The following PTPRQ variants were observed in gnomAD, a reference collection of about 807,000 sequenced individuals.
The protein encoded by PTPRQ is protein tyrosine phosphatase receptor type Q.
In PTPRQ, 199 loss-of-function variants were observed where a neutral mutation model predicts 246.0. That is an observed-to-expected ratio of 0.81 (90% CI 0.72 to 0.91). The LOEUF is 0.91. Ranked by LOEUF, PTPRQ falls within the 40% of genes least tolerant of loss-of-function variation. PTPRQ has a pLI of 0.00. For missense variants in PTPRQ, 2,624 were observed against 2,528.4 expected (o/e 1.04, Z -0.81); for synonymous variants, 869 against 853.2 (o/e 1.02, Z -0.32).
In PTPRQ at chr12:80,460,663, A is replaced by C. The variant is rs1893132285; in HGVS notation, c.671A>C (p.Glu224Ala). ...GKLPECNENSESFLWSTASPS... is the reference protein window; with the variant it reads ...GKLPECNENSASFLWSTASPS... Reference sequence around the variant, plus strand: ...TATTTTATTTACTAGGAGAATAGTGAATCTTTTTTATGGAGTACAGCCAGC... The same window carrying C: ...TATTTTATTTACTAGGAGAATAGTGCATCTTTTTTATGGAGTACAGCCAGC... Residue 224 changes from glutamate to alanine, a missense_variant, in exon 6 of 45, where the codon GAA becomes GCA. Physicochemically the swap from Glu to Ala is moderately radical, Grantham distance 107 (BLOSUM62 -1). Transcript: ENST00000644991. 1.5e-5 allele frequency: 6 copies of C among 398,692 alleles called. No homozygotes were observed. In the East Asian group the frequency reaches 2.1e-4, roughly 14 times the overall value. The allele number at this position is 398,692 out of a possible 1,614,324, so 24.7% of individuals were successfully genotyped here.
intron 9 of PTPRQ, among the ~76,000 whole-genome samples, chr12:80,486,383 C>T (rs1894276554): frequency 6.6e-6 from 1 of 152,126 alleles, no homozygotes; most frequent in African/African-American, 2.4e-5. Context: ...AGACTCATTT[C>T]TGATATTTCT....
At chr12:80,466,767 T>C (rs1592540959) in intron 6 of PTPRQ, among the ~76,000 whole-genome samples, 1 of 152,214 alleles carries the variant, frequency 6.6e-6, no homozygotes, top group Admixed American at 6.5e-5. Context: ...AAGGATTCCC[T>C]ATTTAATAAA....
At chr12:80,675,240 C>G (rs1386536947) in intron 43 of PTPRQ, among the ~76,000 whole-genome samples, 2 of 152,088 alleles carry the variant, frequency 1.3e-5, no homozygotes, top group East Asian at 3.9e-4. Context: ...CTGTCACTGT[C>G]TTGAAAATCT....
intron 33 of PTPRQ, among the ~76,000 whole-genome samples, chr12:80,625,737 A>T (rs1209575311): frequency 1.3e-5 from 2 of 152,158 alleles, no homozygotes; most frequent in African/African-American, 2.4e-5. Context: ...TAAACAGGGA[A>T]GATAACGTAT....
chr12:80,514,402 A>ACACACACACTCTCTCTCT (rs552667526), intron 17 of PTPRQ, among the ~76,000 whole-genome samples: 75 of 113,018 alleles, frequency 6.6e-4, no homozygotes, highest in African/African-American at 2.3e-3. Flanking sequence ...ACACACACAC[A>ACACACACACTCTCTCTCT]CTCTCTCTCT....
rs1378897868 is a variant in PTPRQ at position 80,496,362 on chromosome 12, G to A, written c.2103G>A (p.Val701=). Residue 701 remains valine (V), a synonymous_variant, in exon 14 of 45, where the codon GTG becomes GTA. Coordinates refer to ENST00000644991, the MANE Select transcript of PTPRQ (RefSeq NM_001145026.2). ...ATGGGATCATTATTGCTTATGAAGT[G>A]CTATATAAAAATATAGATACTTTAT... ...KPNGIIIAYE[V]LYKNIDTLYM... The A allele has an allele frequency of 2.6e-6, 4 of 1,550,544 alleles. No individual in the cohort carries two copies. The highest frequency in any genetic ancestry group is 1.2e-5 in the South Asian group (1 of 83,934).
chr12:80,568,674 A>G lies in PTPRQ; in HGVS notation c.4285+18940A>G, dbSNP rs577137270. 5.7e-4 allele frequency among the ~76,000 whole-genome samples: 87 copies of G among 152,334 alleles called. 1 individual carries two copies. The highest frequency in any genetic ancestry group is 2.0e-3 in the African/African-American group (84 of 41,586). ...CTCTCACTTTTGTTGCTCTGCTACC[A>G]TCTTTGTTAGCCAATATGTGTCACA... On this transcript the variant is annotated intron_variant, in intron 25 of 44. Coordinates refer to ENST00000644991, the MANE Select transcript of PTPRQ (RefSeq NM_001145026.2).
At chr12:80,655,103 A>G (rs529033795) in intron 38 of PTPRQ, among the ~76,000 whole-genome samples, 1 of 152,226 alleles carries the variant, frequency 6.6e-6, no homozygotes, top group Admixed American at 6.5e-5. Context: ...TAGGATGAGA[A>G]GAGAATAAGA....
intron 17 of PTPRQ, among the ~76,000 whole-genome samples, chr12:80,520,747 A>G (rs1172836043): frequency 6.6e-6 from 1 of 151,648 alleles, no homozygotes; most frequent in Non-Finnish European, 1.5e-5. Context: ...CATTTTCTTA[A>G]TCCAGTCTAT....
intron 17 of PTPRQ, among the ~76,000 whole-genome samples, chr12:80,524,968 G>A (rs1895637873): frequency 6.6e-6 from 1 of 152,156 alleles, no homozygotes; most frequent in African/African-American, 2.4e-5. Flanking sequence ...GTAACAGCAT[G>A]TGTGAAAAAT....
intron 26 of PTPRQ, among the ~76,000 whole-genome samples, chr12:80,598,015 T>A (rs1195429975): frequency 6.6e-6 from 1 of 151,998 alleles, no homozygotes; most frequent in African/African-American, 2.4e-5. Context: ...AGGTTTTCTT[T>A]CTATTTTGTA....
intron 7 of PTPRQ, among the ~76,000 whole-genome samples, chr12:80,469,129 A>G (rs1402186037): frequency 2.0e-5 from 3 of 152,218 alleles, no homozygotes; most frequent in Admixed American, 2.0e-4. Context: ...ATCTTCAAAT[A>G]TTTGAACAAG....
chr12:80,594,628 G>A (rs537871328), intron 26 of PTPRQ, among the ~76,000 whole-genome samples: 1 of 151,892 alleles, frequency 6.6e-6, no homozygotes, highest in South Asian at 2.1e-4. Flanking sequence ...TGTGTGTTCC[G>A]TGTCTCAGTT....
At position 80,495,070 on chromosome 12, in the gene PTPRQ, C is replaced by G; in HGVS notation, c.1678C>G (p.Leu560Val). 6.4e-7 allele frequency: 1 copy of G among 1,550,468 alleles called. No homozygotes were observed. Among genetic ancestry groups the G allele is most frequent in the Non-Finnish European group, 8.7e-7 (1 of 1,146,206 alleles). ...TIMGEGPPTVLSVRTRQQVPS... is the reference protein window; with the variant it reads ...TIMGEGPPTVVSVRTRQQVPS... The stretch of plus-strand genomic sequence containing the variant: ...CATGGGAGAAGGACCACCAACAGTT[C>G]TCAGTGTTAGGACACGTCAGCAAGG... The change falls in exon 11 of 45, where the codon CTC becomes GTC. Residue 560 changes from leucine (L) to valine (V), a missense_variant. Coordinates refer to ENST00000644991, the MANE Select transcript of PTPRQ (RefSeq NM_001145026.2).
At chr12:80,584,255 A>G (rs1364401098) in intron 25 of PTPRQ, 1 of 152,148 alleles carries the variant, frequency 6.6e-6, no homozygotes, top group East Asian at 1.9e-4. Flanking sequence ...TGCAGACACA[A>G]AGGTCAGACA....
At chr12:80,594,899 A>C (rs1897918921) in intron 26 of PTPRQ, among the ~76,000 whole-genome samples, 1 of 152,116 alleles carries the variant, frequency 6.6e-6, no homozygotes, top group Non-Finnish European at 1.5e-5. Context: ...TCAGCATTTC[A>C]ATACACCTGC....
chr12:80,603,171 C>A (rs1182799825), intron 26 of PTPRQ, among the ~76,000 whole-genome samples: 1 of 151,674 alleles, frequency 6.6e-6, no homozygotes, highest in Non-Finnish European at 1.5e-5. Context: ...TTTTATTAAT[C>A]TTTCTATAGT....
At chr12:80,638,288 T>C (rs1365233861) in intron 35 of PTPRQ, among the ~76,000 whole-genome samples, 1 of 149,746 alleles carries the variant, frequency 6.7e-6, no homozygotes, top group Non-Finnish European at 1.5e-5. Context: ...AAAAAAAATC[T>C]ACCCAGCTAA....
intron 25 of PTPRQ, among the ~76,000 whole-genome samples, chr12:80,566,250 G>C (rs1475182105): frequency 6.6e-6 from 1 of 152,154 alleles, no homozygotes; most frequent in Non-Finnish European, 1.5e-5. Flanking sequence ...GGCCGAGGCA[G>C]GTGGATCACT....
Sources: gnomAD v4.1 joint callset for allele counts (sites outside exome capture counted in the v4.1 genomes callset) on GRCh38, gnomAD v4.1.1 for gene constraint, MANE v1.5 for transcripts, NCBI Gene and HGNC (gene_info 2026-07-23, HGNC 2026-07-21) for gene names.